CIMAP2: variants seen among roughly 807,000 people sequenced by gnomAD.
The protein encoded by CIMAP2 is ciliary microtubule associated protein 2, also known as ciliary microtubule-associated protein 2.
the CIMAP2 span, chr1:54,841,671 A>G: frequency 1.4e-5 from 22 of 1,608,578 alleles, no homozygotes; most frequent in African/African-American, 2.7e-5. Flanking sequence ...CCTCTCACCA[A>G]TGTAGGATCT....
chr1:54,831,068 C>G, the CIMAP2 span, among the ~76,000 whole-genome samples: 5 of 152,098 alleles, frequency 3.3e-5, no homozygotes, highest in Admixed American at 2.6e-4. Flanking sequence ...AAAAATCTTG[C>G]TAGTATTATA....
the CIMAP2 span, among the ~76,000 whole-genome samples, chr1:54,821,275 T>A: frequency 2.9e-3 from 443 of 152,326 alleles, 3 homozygotes; most frequent in African/African-American, 0.01. Flanking sequence ...CTTGTGCTTT[T>A]GAAGTTTTAG....
the CIMAP2 span, among the ~76,000 whole-genome samples, chr1:54,808,559 G>A: frequency 6.6e-6 from 1 of 151,072 alleles, no homozygotes; most frequent in Non-Finnish European, 1.5e-5. Context: ...GAAGGGCTGG[G>A]TCATGAGGGC....
chr1:54,811,773 G>GCCCCCACCCCC, the CIMAP2 span: 3 of 1,325,046 alleles, frequency 2.3e-6, no homozygotes, highest in South Asian at 1.3e-5. Context: ...CAGCCTCCAT[G>GCCCCCACCCCC]CCCCCACCCC....
At chr1:54,827,301 C>A in the CIMAP2 span, among the ~76,000 whole-genome samples, 1 of 152,326 alleles carries the variant, frequency 6.6e-6, no homozygotes, top group Non-Finnish European at 1.5e-5. Context: ...GGGCAAGTAC[C>A]ATGCCCAGAC....
At chr1:54,824,864 T>G in the CIMAP2 span, among the ~76,000 whole-genome samples, 2 of 151,806 alleles carry the variant, frequency 1.3e-5, no homozygotes, top group South Asian at 4.2e-4. Context: ...GAATTATGTT[T>G]CAGGCATTTC....
At chr1:54,812,989 T>C in the CIMAP2 span, among the ~76,000 whole-genome samples, 1 of 152,222 alleles carries the variant, frequency 6.6e-6, no homozygotes, top group East Asian at 1.9e-4. Flanking sequence ...GCCACTGAGC[T>C]GAGGCCTTCG....
At chr1:54,813,147 T>G in the CIMAP2 span, among the ~76,000 whole-genome samples, 1 of 152,118 alleles carries the variant, frequency 6.6e-6, no homozygotes, top group African/African-American at 2.4e-5. Flanking sequence ...GAGACTTTTT[T>G]TTTTTTTAGA....
chr1:54,834,064 C>T, the CIMAP2 span, among the ~76,000 whole-genome samples: 1 of 152,174 alleles, frequency 6.6e-6, no homozygotes, highest in Non-Finnish European at 1.5e-5. Flanking sequence ...TCTCAAACTC[C>T]TGACCTCAAG....
At chr1:54,831,102 A>G in the CIMAP2 span, among the ~76,000 whole-genome samples, 1 of 152,348 alleles carries the variant, frequency 6.6e-6, no homozygotes, top group East Asian at 1.9e-4. Flanking sequence ...TGAACCTGCA[A>G]TCTAAATCAA....
the CIMAP2 span, chr1:54,815,005 G>GCAAAGGGCA: frequency 6.2e-7 from 1 of 1,614,180 alleles, no homozygotes; most frequent in South Asian, 1.1e-5. Flanking sequence ...AAGGGGTCAG[G>GCAAAGGGCA]TGCAAAGGCC....
At chr1:54,839,538 C>T in the CIMAP2 span, among the ~76,000 whole-genome samples, 6 of 151,970 alleles carry the variant, frequency 3.9e-5, no homozygotes, top group African/African-American at 9.7e-5. Flanking sequence ...CCACCACGCC[C>T]GACTAATTTT....
At chr1:54,811,765 G>GCCGGGGGGGGGGGCGCCCCCCCCCCCCCC in the CIMAP2 span, 2 of 1,301,332 alleles carry the variant, frequency 1.5e-6, no homozygotes, top group Non-Finnish European at 2.2e-6. Flanking sequence ...GGTTCTGACA[G>GCCGGGGGGGGGGGCGCCCCCCCCCCCCCC]CCTCCATGCC....
the CIMAP2 span, chr1:54,841,836 C>G: frequency 6.4e-7 from 1 of 1,555,128 alleles, no homozygotes; most frequent in African/African-American, 1.4e-5. Flanking sequence ...GGAAAGTGCC[C>G]TCCAACTGTG....
At chr1:54,825,191 C>G in the CIMAP2 span, among the ~76,000 whole-genome samples, 1 of 151,472 alleles carries the variant, frequency 6.6e-6, no homozygotes, top group South Asian at 2.1e-4. Context: ...GCTGAGACTA[C>G]AGGCACCTGA....
the CIMAP2 span, among the ~76,000 whole-genome samples, chr1:54,829,608 C>T: frequency 1.3e-5 from 2 of 152,208 alleles, no homozygotes; most frequent in Admixed American, 6.5e-5. Context: ...TGCCTCTGAG[C>T]TGCTGATTGT....
the CIMAP2 span, among the ~76,000 whole-genome samples, chr1:54,819,004 A>G: frequency 6.6e-6 from 1 of 152,080 alleles, no homozygotes; most frequent in African/African-American, 2.4e-5. Context: ...TTGTTTGTTC[A>G]TACTGAAGAG....
the CIMAP2 span, chr1:54,813,729 C>T: frequency 4.2e-6 from 6 of 1,433,060 alleles, no homozygotes; most frequent in South Asian, 7.3e-5. Context: ...TGCCCCATTG[C>T]TTTTCTCTGG....
chr1:54,811,764 A>AGCCGGGGGGGGGGG, the CIMAP2 span: 11 of 1,097,906 alleles, frequency 1.0e-5, no homozygotes, highest in Non-Finnish European at 1.3e-5. Flanking sequence ...TGGTTCTGAC[A>AGCCGGGGGGGGGGG]GCCTCCATGC....
Sources: gnomAD v4.1 joint callset for allele counts (sites outside exome capture counted in the v4.1 genomes callset) on GRCh38, gnomAD v4.1.1 for gene constraint, MANE v1.5 for transcripts, NCBI Gene and HGNC (gene_info 2026-07-23, HGNC 2026-07-21) for gene names.